Variants in SERPINE2 observed in about 807,000 individuals in gnomAD.
SERPINE2 encodes serpin family E member 2, also known as glia-derived nexin.
SERPINE2 carries 14 observed loss-of-function variants against 36.3 expected under a neutral mutation model. The observed-to-expected ratio is 0.39, with a 90% CI of 0.25 to 0.60. SERPINE2 has a LOEUF of 0.60. SERPINE2 is among the 20% of genes least tolerant of loss of function. The probability of loss-of-function intolerance (pLI) is 0.57; values close to 1 mark genes in which losing one functional copy is unlikely to be tolerated. For synonymous variants in SERPINE2, 192 were observed against 191.8 expected, an observed-to-expected ratio of 1.00 and a Z score of -0.01; for missense variants, 418 against 499.6, an observed-to-expected ratio of 0.84 and a Z score of 1.56.
intron 1 of SERPINE2, among the ~76,000 whole-genome samples, chr2:224,035,849 C>T (rs1014069634): frequency 3.9e-5 from 6 of 152,174 alleles, no homozygotes; most frequent in African/African-American, 1.2e-4. Context: ...GCAAGGCCAG[C>T]GTGACTAGAG....
rs954227731 is a variant in SERPINE2 at position 223,975,053 on chromosome 2, T to G, written c.*814A>C. On this transcript the variant is annotated 3_prime_UTR_variant, in exon 9 of 9. Transcript: ENST00000409304. ...AGGAAAAGTCTCCGAGCTTTGAATT[T>G]CCTGATGTTTACATAGTACAAAGGT... 1 of 152,248 alleles carries G rather than the reference T, an allele frequency of 6.6e-6. No individual in the cohort carries two copies. Among genetic ancestry groups the G allele is most frequent in the South Asian group, 2.1e-4 (1 of 4,838 alleles). 9.4% of individuals were successfully genotyped at this position (152,248 alleles called of 1,614,324 possible). A position where few individuals can be genotyped will look rare whatever the true frequency, so the allele number is the denominator to read the frequency against.
At chr2:223,994,474 G>A (rs539312015) in intron 3 of SERPINE2, among the ~76,000 whole-genome samples, 30 of 152,250 alleles carry the variant, frequency 2.0e-4, no homozygotes, top group African/African-American at 5.3e-4. Context: ...TCTATCATCC[G>A]TCCGTCCATC....
intron 1 of SERPINE2, among the ~76,000 whole-genome samples, chr2:224,035,565 T>C (rs563705142): frequency 6.6e-6 from 1 of 152,172 alleles, no homozygotes; most frequent in African/African-American, 2.4e-5. Context: ...GACGCGGTTT[T>C]ACCATGTTGA....
At chr2:223,999,637 G>A (rs949763221) in intron 2 of SERPINE2, among the ~76,000 whole-genome samples, 1 of 152,326 alleles carries the variant, frequency 6.6e-6, no homozygotes, top group East Asian at 1.9e-4. Flanking sequence ...TTTGGAGGCT[G>A]AAAGACAATT....
chr2:224,032,413 G>A (rs974450851), intron 1 of SERPINE2, among the ~76,000 whole-genome samples: 1 of 152,162 alleles, frequency 6.6e-6, no homozygotes, highest in African/African-American at 2.4e-5. Flanking sequence ...GAAAGTTGGG[G>A]TAGGGGTAAG....
intron 1 of SERPINE2, among the ~76,000 whole-genome samples, chr2:224,006,492 G>T (rs771035336): frequency 7.2e-5 from 11 of 152,134 alleles, no homozygotes; most frequent in Non-Finnish European, 1.5e-4. Context: ...TAAAGATGAG[G>T]TTCTTTATTC....
chr2:223,986,358 T>C (rs890166201), intron 4 of SERPINE2, among the ~76,000 whole-genome samples: 1 of 152,164 alleles, frequency 6.6e-6, no homozygotes, highest in African/African-American at 2.4e-5. Flanking sequence ...TCAGCTCCCA[T>C]GTGTGTTGAA....
intron 7 of SERPINE2, 173 bp downstream of exon 7, chr2:223,980,138 T>C: frequency 1.8e-6 from 1 of 542,764 alleles, no homozygotes; most frequent in East Asian, 3.0e-5. Flanking sequence ...TTCTGAGCTT[T>C]GTGGTTACAG....
At chr2:224,024,090 G>C (rs985345646) in intron 1 of SERPINE2, among the ~76,000 whole-genome samples, 2 of 152,160 alleles carry the variant, frequency 1.3e-5, no homozygotes, top group African/African-American at 2.4e-5. Flanking sequence ...AAAAATATAT[G>C]TATCTGTAGG....
At chr2:224,027,911 T>C (rs1692237330) in intron 1 of SERPINE2, among the ~76,000 whole-genome samples, 2 of 152,192 alleles carry the variant, frequency 1.3e-5, no homozygotes, top group Non-Finnish European at 2.9e-5. Context: ...CTTCTTGTCC[T>C]GTGTGGGGTG....
intron 1 of SERPINE2, among the ~76,000 whole-genome samples, chr2:224,018,144 G>A (rs1380184576): frequency 1.3e-5 from 2 of 152,154 alleles, no homozygotes; most frequent in African/African-American, 4.8e-5. Flanking sequence ...CGACAGCCCT[G>A]ATGATGGGCT....
At chr2:223,976,686 T>C (rs896274615) in intron 8 of SERPINE2, among the ~76,000 whole-genome samples, 2 of 152,254 alleles carry the variant, frequency 1.3e-5, no homozygotes, top group African/African-American at 4.8e-5. Flanking sequence ...TTATACTTCA[T>C]AATTGTAATA....
At chr2:224,017,338 A>C (rs963236408) in intron 1 of SERPINE2, among the ~76,000 whole-genome samples, 8 of 152,162 alleles carry the variant, frequency 5.3e-5, no homozygotes, top group Admixed American at 2.6e-4. Flanking sequence ...CCCTACTGTA[A>C]AATTTTAGTC....
Position 223,977,487 on chromosome 2 carries a change from A to AAT in SERPINE2, c.1156+55_1156+56dup, listed in dbSNP as rs1209229797. On this transcript the variant is annotated intron_variant, in intron 8 of 8. Transcript: ENST00000409304. ...CACTGTTGGATATAATGAAGAGTGC[A>AAT]ATATACCTTTTGAAATTCTAACAGA... The AAT allele has an allele frequency of 4.6e-6, 5 of 1,093,838 alleles. No individual in the cohort carries two copies. The Admixed American group carries it at 8.4e-5, about 18-fold the overall frequency. The allele number at this position is 1,093,838 out of a possible 1,614,324, so 67.8% of individuals were successfully genotyped here.
intron 4 of SERPINE2, among the ~76,000 whole-genome samples, chr2:223,987,409 G>A (rs2106144047): frequency 6.6e-6 from 1 of 152,228 alleles, no homozygotes; most frequent in East Asian, 1.9e-4. Flanking sequence ...TAAGGAAGGG[G>A]ACTTGGGAGC....
chr2:223,999,861 T>C (rs1304170056), intron 2 of SERPINE2, among the ~76,000 whole-genome samples: 1 of 152,224 alleles, frequency 6.6e-6, no homozygotes, highest in East Asian at 1.9e-4. Context: ...ATTTTAGCAG[T>C]GATCCACCAT....
At chr2:224,001,977 C>T in intron 1 of SERPINE2, 55 bp from the exon 2 acceptor site, 1 of 1,198,932 alleles carries the variant, frequency 8.3e-7, no homozygotes, top group Non-Finnish European at 1.1e-6. Flanking sequence ...TACTTTACTA[C>T]TTTTTTTTTT....
Position 223,982,724 on chromosome 2 carries a change from A to G in SERPINE2, c.942T>C (p.Thr314=), listed in dbSNP as rs763967106. 1 of 1,613,954 alleles carries G rather than the reference A, an allele frequency of 6.2e-7. No individual in the cohort carries two copies. The change falls in exon 6 of 9, where the codon ACT becomes ACC. Residue 314 remains threonine (T), a synonymous_variant. Transcript: ENST00000409304. The part of the protein sequence containing the change: ...LKEPLKVLGI[T]DMFDSSKANF... ...TTGCCTTTGATGAATCAAACATGTC[A>G]GTAATGCCAAGAACTTTCAGCGGCT...
chr2:223,980,497 A>T, intron 6 of SERPINE2, 100 bp from the exon 7 acceptor site: 1 of 998,072 alleles, frequency 1.0e-6, no homozygotes, highest in Non-Finnish European at 1.6e-6. Context: ...GGCAAATTCC[A>T]ATTTTTAAAG....
Sources: gnomAD v4.1 joint callset for allele counts (sites outside exome capture counted in the v4.1 genomes callset) on GRCh38, gnomAD v4.1.1 for gene constraint, MANE v1.5 for transcripts, NCBI Gene and HGNC (gene_info 2026-07-23, HGNC 2026-07-21) for gene names.